SYCE1: variants seen among roughly 807,000 people sequenced by gnomAD.
SYCE1 encodes the protein cancer/testis antigen 76.
SYCE1 carries 37 observed loss-of-function variants against 55.1 expected under a neutral mutation model. The ratio of observed to expected loss-of-function variants is 0.67; its 90% CI spans 0.52 to 0.88. The LOEUF (loss-of-function observed/expected upper bound fraction) is 0.88. Ranked by LOEUF, SYCE1 falls within the 40% of genes least tolerant of loss-of-function variation. The pLI is 0.00. For synonymous variants in SYCE1, 163 were observed against 159.4 expected, an observed-to-expected ratio of 1.02 and a Z score of -0.17; for missense variants, 399 against 416.4, an observed-to-expected ratio of 0.96 and a Z score of 0.36.
At chr10:133,562,378 A>T (rs189275570) in intron 1 of SYCE1, among the ~76,000 whole-genome samples, 1,913 of 147,674 alleles carry the variant, frequency 0.013, no homozygotes, top group African/African-American at 0.045. Flanking sequence ...TTTTTTGGGC[A>T]AAAGTTTTTT....
intron 2 of SYCE1, chr10:133,559,669 T>TG (rs3841363): frequency 0.1 from 43,192 of 427,110 alleles, 2,793 homozygotes; most frequent in East Asian, 0.24. Flanking sequence ...AATCAAGTGG[T>TG]GGGGGGCAGG....
chr10:133,557,770 G>A, intron 6 of SYCE1, 94 bp downstream of exon 6: 1 of 1,402,572 alleles, frequency 7.1e-7, no homozygotes, highest in South Asian at 1.2e-5. Flanking sequence ...GGGAAACAAT[G>A]AGAGCTGTGG....
chr10:133,555,485 G>A, intron 11 of SYCE1, 47 bp from the exon 12 acceptor site: 2 of 1,612,496 alleles, frequency 1.2e-6, no homozygotes. Flanking sequence ...AGGAAAGGGT[G>A]GAGGAGGGAC....
At chr10:133,566,605 G>A (rs1197579133), upstream of SYCE1, among the ~76,000 whole-genome samples, 3 of 151,022 alleles carry the variant, frequency 2.0e-5, no homozygotes, top group African/African-American at 7.3e-5. Context: ...TTAGTGTTGG[G>A]GTTAGGGTAT....
chr10:133,554,107 A>T (rs983207492), downstream of SYCE1: 2 of 509,876 alleles, frequency 3.9e-6, no homozygotes, highest in Middle Eastern at 2.8e-4. Flanking sequence ...TCAGTTCAAT[A>T]TATTTTCTAA....
rs1342553037 is a variant in SYCE1, at chr10:133,565,452, A to G, written c.73+5T>C. ...CACGCACAGTTCCCTGCCTCCCACC[A>G]CTACCTCCGGCCTTCTCAGCCCTGT... On this transcript the variant is annotated splice_donor_5th_base_variant and intron_variant, in intron 1 of 12. Coordinates refer to ENST00000343131, the MANE Select transcript of SYCE1 (RefSeq NM_001143764.3). 1 of 1,546,156 alleles carries G rather than the reference A, an allele frequency of 6.5e-7. No individual in the cohort carries two copies. Among genetic ancestry groups the G allele is most frequent in the Non-Finnish European group, 8.7e-7 (1 of 1,145,018 alleles).
chr10:133,559,973 GA>G, intron 2 of SYCE1, 117 bp downstream of exon 2: 1 of 826,404 alleles, frequency 1.2e-6, no homozygotes, highest in South Asian at 1.7e-5. Flanking sequence ...AGTTTTAAAA[GA>G]AAGAGAAGGT....
At chr10:133,554,627 T>G (rs1589963342), downstream of SYCE1, 1 of 719,668 alleles carries the variant, frequency 1.4e-6, no homozygotes, top group South Asian at 1.4e-5. Context: ...CCCAGCTCAC[T>G]GATCCTCATT....
chr10:133,562,974 A>T (rs78518731), intron 1 of SYCE1, among the ~76,000 whole-genome samples: 1 of 15,284 alleles, frequency 6.5e-5, no homozygotes, highest in Non-Finnish European at 1.5e-3. Flanking sequence ...ATCACAGGCC[A>T]AGGCCAAGGC....
chr10:133,558,879 G>C lies in SYCE1; in HGVS notation c.269C>G (p.Ser90Trp). ...TGGGTGACCCCCGGCTCTCTTACGC[G>C]AGTCCAGTTCCTTCTGCAGGGCCTC... The part of the protein sequence containing the change: ...ICEALQKELD[S>W]LHGEKVHLKE... The change falls in exon 4 of 13, where the codon TCG becomes TGG. Residue 90 changes from serine to tryptophan, a missense_variant and splice_region_variant. Physicochemically the swap from Ser to Trp is radical, Grantham distance 177. Coordinates refer to ENST00000343131, the MANE Select transcript of SYCE1 (RefSeq NM_001143764.3). The C allele has an allele frequency of 6.2e-7, 1 of 1,613,586 alleles. No homozygotes were observed. The highest frequency in any genetic ancestry group is 8.5e-7 in the Non-Finnish European group (1 of 1,179,870).
chr10:133,560,092 T>C lies in SYCE1; in HGVS notation c.135A>G (p.Lys45=), dbSNP rs1310710601. The C allele has an allele frequency of 6.2e-7, 1 of 1,614,042 alleles. No homozygotes were observed. Among genetic ancestry groups the C allele is most frequent in the Non-Finnish European group, 8.5e-7 (1 of 1,179,930 alleles). Residue 45 remains lysine, a splice_region_variant and synonymous_variant, in exon 2 of 13, where the codon AAA becomes AAG. Coordinates refer to ENST00000343131, the MANE Select transcript of SYCE1 (RefSeq NM_001143764.3). ...CCTCACACAAAGGAGACACACGACC[T>C]TTCTGCAGCTTTTGCACCATTTCCA... ...DLMEMVQKLQ[K]VGSLEPRVEV... is the part of the protein sequence containing the mutation.
chr10:133,555,995 T>TCA lies in SYCE1; in HGVS notation c.580_581insTG (p.Gln194LeufsTer17), dbSNP rs1851672617. ...CCTGGTCTCACCTTCCTTGAGCAGC[T>TCA]GCTCCTTGCTGCTGTCCAGGGCACA... On this transcript the variant is annotated frameshift_variant, in exon 9 of 13. Transcript: ENST00000343131. LOFTEE classifies it high-confidence loss of function. 2 of 1,614,054 alleles carry TCA rather than the reference T, an allele frequency of 1.2e-6. No homozygotes were observed. The highest frequency in any genetic ancestry group is 2.7e-5 in the African/African-American group (2 of 74,928).
downstream of SYCE1, chr10:133,554,197 G>A (rs1367512156): frequency 3.5e-5 from 40 of 1,152,936 alleles, no homozygotes; most frequent in Non-Finnish European, 5.1e-5. Context: ...GCATCTTAGA[G>A]AACTCGTCTG....
upstream of SYCE1, among the ~76,000 whole-genome samples, chr10:133,566,538 G>A (rs1851938352): frequency 1.4e-5 from 2 of 144,982 alleles, no homozygotes. Context: ...TTGGGGTAGG[G>A]TTAGGGTTGG....
upstream of SYCE1, chr10:133,568,188 A>T (rs1191149457): frequency 1.9e-5 from 20 of 1,050,296 alleles, no homozygotes; most frequent in South Asian, 2.1e-4. Flanking sequence ...GTCCACGTAC[A>T]GTAGCTGTAG....
chr10:133,555,848 A>T lies in SYCE1; in HGVS notation c.651T>A (p.Cys217Ter), dbSNP rs1478036883. 1 of 1,613,894 alleles carries T rather than the reference A, an allele frequency of 6.2e-7. No homozygotes were observed. Among genetic ancestry groups the T allele is most frequent in the Non-Finnish European group, 8.5e-7 (1 of 1,180,000 alleles). Residue 217 changes from cysteine (C) to a stop codon, truncating the protein, a stop_gained, in exon 10 of 13, where the codon TGT becomes TGA. Transcript: ENST00000343131. LOFTEE classifies it high-confidence loss of function. ...CAAGGGTGGAGGGGCCCTCAGCCCC[A>T]CACAGGGAGCACAGCTGATGCTTCA... ...EDVKHQLCSL[C>*]GAEGPSTLDE...
upstream of SYCE1, among the ~76,000 whole-genome samples, chr10:133,566,597 A>G (rs1259731521): frequency 1.1e-5 from 1 of 88,206 alleles, no homozygotes; most frequent in Admixed American, 1.3e-4. Flanking sequence ...TCAGGGTTTT[A>G]GTGTTGGGGT....
intron 4 of SYCE1, chr10:133,558,492 G>A (rs1012615098): frequency 7.9e-5 from 44 of 557,456 alleles, no homozygotes; most frequent in Non-Finnish European, 1.4e-4. Flanking sequence ...AGTGGGATAA[G>A]GGCTATAAAG....
rs1329904159 is a variant in SYCE1, at chr10:133,557,877, T to C, written c.361A>G (p.Ser121Gly). 4 of 1,614,054 alleles carry C rather than the reference T, an allele frequency of 2.5e-6. No homozygotes were observed. Among genetic ancestry groups the C allele is most frequent in the Non-Finnish European group, 3.4e-6 (4 of 1,180,040 alleles). Residue 121 changes from serine to glycine, a missense_variant, in exon 6 of 13, where the codon AGT (serine) becomes GGT (glycine). Coordinates refer to ENST00000343131, the MANE Select transcript of SYCE1 (RefSeq NM_001143764.3). ...GGAAGCTCTTACCTGTGTGCCTCAC[T>C]TTCCTTTTCCTGGCAATGCAGCCGG... ...ILRLHCQEKE[S>G]EAHRKHTMLQ...
Sources: gnomAD v4.1 joint callset for allele counts (sites outside exome capture counted in the v4.1 genomes callset) on GRCh38, gnomAD v4.1.1 for gene constraint, MANE v1.5 for transcripts, NCBI Gene and HGNC (gene_info 2026-07-23, HGNC 2026-07-21) for gene names.